Variants in LRRC10B observed in about 807,000 individuals in gnomAD.
The protein encoded by LRRC10B is leucine rich repeat containing 10B, also known as leucine-rich repeat-containing protein 10B.
For synonymous variants in LRRC10B, 204 were observed against 221.5 expected, an observed-to-expected ratio of 0.92 and a Z score of 0.70; for missense variants, 389 against 436.5, an observed-to-expected ratio of 0.89 and a Z score of 0.97.
Position 61,509,529 on chromosome 11 carries a change from G to C in LRRC10B, c.531G>C (p.Ala177=), listed in dbSNP as rs2062074484. The change falls in exon 1 of 1, where the codon GCG becomes GCC. Residue 177 remains alanine (A), a synonymous_variant. Coordinates refer to ENST00000378075, the MANE Select transcript of LRRC10B (RefSeq NM_001145077.2). ...YGNRFEEFPP[A]LLRMGRLHIL... is the part of the protein sequence containing the mutation. ...ACCGCTTCGAGGAGTTCCCGCCCGC[G>C]CTGCTGCGCATGGGCCGCCTGCACA... is the stretch of plus-strand genomic sequence containing the variant. 2.6e-6 allele frequency: 4 copies of C among 1,513,026 alleles called. No individual in the cohort carries two copies. The highest frequency in any genetic ancestry group is 2.9e-5 in the African/African-American group (2 of 69,516). 93.7% of individuals were successfully genotyped at this position (1,513,026 alleles called of 1,614,324 possible).
chr11:61,508,968 G>T lies in LRRC10B; in HGVS notation c.-31G>T. On this transcript the variant is annotated 5_prime_UTR_variant, in exon 1 of 1. Transcript: ENST00000378075. Reference sequence around the variant, plus strand: ...GGCGGGGCGATGCCTGGCGGTGGCAGTGGCGGCGGCCCCGGCCGGGGCCCG... The same window carrying T: ...GGCGGGGCGATGCCTGGCGGTGGCATTGGCGGCGGCCCCGGCCGGGGCCCG... The T allele has an allele frequency of 1.4e-5, 18 of 1,285,820 alleles. No homozygotes were observed. The highest frequency in any genetic ancestry group is 1.8e-5 in the Non-Finnish European group (18 of 1,018,464). 79.7% of individuals were successfully genotyped at this position (1,285,820 alleles called of 1,614,324 possible).
rs1197384780 is a variant in LRRC10B at position 61,509,592 on chromosome 11, C to G, written c.594C>G (p.Pro198=). ...DLDRNRLGGF[P]DLHPLRALRV... The stretch of plus-strand genomic sequence containing the variant: ...ACCGCAACCGCCTGGGCGGCTTCCC[C>G]GACCTGCACCCGCTGCGCGCGCTGC... The change falls in exon 1 of 1, where the codon CCC becomes CCG. Residue 198 remains proline (P), a synonymous_variant. Coordinates refer to ENST00000378075, the MANE Select transcript of LRRC10B (RefSeq NM_001145077.2). 2 of 1,520,968 alleles carry G rather than the reference C, an allele frequency of 1.3e-6. No individual in the cohort carries two copies. 94.2% of individuals were successfully genotyped at this position (1,520,968 alleles called of 1,614,324 possible). A position where few individuals can be genotyped will look rare whatever the true frequency, so the allele number is the denominator to read the frequency against.
chr11:61,510,175 G>T lies in LRRC10B; in HGVS notation c.*298G>T. On this transcript the variant is annotated 3_prime_UTR_variant, in exon 1 of 1. Coordinates refer to ENST00000378075, the MANE Select transcript of LRRC10B (RefSeq NM_001145077.2). ...GCACCAGCTTCCTCCTGGAACCAGG[G>T]TCTCTGAGGGCCACAGAATTGTCAC... 2.7e-6 allele frequency: 1 copy of T among 364,480 alleles called. No individual in the cohort carries two copies. Among genetic ancestry groups the T allele is most frequent in the Non-Finnish European group, 5.1e-6 (1 of 196,524 alleles). 22.6% of individuals were successfully genotyped at this position (364,480 alleles called of 1,614,324 possible). A position where few individuals can be genotyped will look rare whatever the true frequency, so the allele number is the denominator to read the frequency against.
At position 61,509,388 on chromosome 11, in the gene LRRC10B, G is replaced by A; in HGVS notation, c.390G>A (p.Arg130=). 1 of 1,493,586 alleles carries A rather than the reference G, an allele frequency of 6.7e-7. No homozygotes were observed. Among genetic ancestry groups the A allele is most frequent in the Non-Finnish European group, 8.9e-7 (1 of 1,129,922 alleles). The allele number at this position is 1,493,586 out of a possible 1,614,324, so 92.5% of individuals were successfully genotyped here. ...GCAACTTCTTGCGGCGCTTCCCGCG[G>A]CCGCTGCTGCGCCTGGTGGCGCTGC... ...IEGNFLRRFP[R]PLLRLVALQS... The change falls in exon 1 of 1, where the codon CGG becomes CGA. Residue 130 remains arginine (R), a synonymous_variant. Transcript: ENST00000378075.
chr11:61,509,402 TG>T lies in LRRC10B; in HGVS notation c.406del (p.Val136TrpfsTer23). The T allele has an allele frequency of 6.7e-7, 1 of 1,492,536 alleles. No homozygotes were observed. Among genetic ancestry groups the T allele is most frequent in the Non-Finnish European group, 8.8e-7 (1 of 1,130,270 alleles). The allele number at this position is 1,492,536 out of a possible 1,614,324, so 92.5% of individuals were successfully genotyped here. The stretch of plus-strand genomic sequence containing the variant: ...CGCTTCCCGCGGCCGCTGCTGCGCC[TG>T]GTGGCGCTGCAGTCGCTCCAGATGG... ...LRRFPRPLLRLVALQSLQMGD... is the reference protein window; with the variant it reads ...LRRFPRPLLRXVALQSLQMGD... On this transcript the variant is annotated frameshift_variant, in exon 1 of 1. Transcript: ENST00000378075. LOFTEE classifies it low-confidence loss of function (END_TRUNC).
chr11:61,510,293 T>G lies in LRRC10B; in HGVS notation c.*416T>G. 5.5e-6 allele frequency: 1 copy of G among 182,616 alleles called. No homozygotes were observed. The highest frequency in any genetic ancestry group is 1.3e-5 in the Non-Finnish European group (1 of 79,352). The allele number at this position is 182,616 out of a possible 1,614,324, so 11.3% of individuals were successfully genotyped here. A position where few individuals can be genotyped will look rare whatever the true frequency, so the allele number is the denominator to read the frequency against. On this transcript the variant is annotated 3_prime_UTR_variant, in exon 1 of 1. Coordinates refer to ENST00000378075, the MANE Select transcript of LRRC10B (RefSeq NM_001145077.2). Reference sequence around the variant, plus strand: ...CCACCCTTTCTAGGACAGGAGCCGCTACCTCTGGGATGGACTGCGTGCCTG... The same window carrying G: ...CCACCCTTTCTAGGACAGGAGCCGCGACCTCTGGGATGGACTGCGTGCCTG...
Position 61,509,625 on chromosome 11 carries a change from C to T in LRRC10B, c.627C>T (p.Phe209=). Residue 209 remains phenylalanine (F), a synonymous_variant, in exon 1 of 1, where the codon TTC becomes TTT. Transcript: ENST00000378075. ...ACCCGCTGCGCGCGCTGCGCGTCTT[C>T]TCCTACGACCACAACCCCGTCACCG... ...DLHPLRALRV[F]SYDHNPVTGP... 6.6e-7 allele frequency: 1 copy of T among 1,523,002 alleles called. No homozygotes were observed. The highest frequency in any genetic ancestry group is 1.4e-5 in the African/African-American group (1 of 70,034). 94.3% of individuals were successfully genotyped at this position (1,523,002 alleles called of 1,614,324 possible). A position where few individuals can be genotyped will look rare whatever the true frequency, so the allele number is the denominator to read the frequency against.
At position 61,509,578 on chromosome 11, in the gene LRRC10B, C is replaced by G; in HGVS notation, c.580C>G (p.Leu194Val). The G allele has an allele frequency of 6.6e-7, 1 of 1,520,866 alleles. No individual in the cohort carries two copies. Among genetic ancestry groups the G allele is most frequent in the Middle Eastern group, 1.7e-4 (1 of 5,942 alleles). The allele number at this position is 1,520,866 out of a possible 1,614,324, so 94.2% of individuals were successfully genotyped here. ...CATCCTCGACCTCGACCGCAACCGC[C>G]TGGGCGGCTTCCCCGACCTGCACCC... ...LHILDLDRNR[L>V]GGFPDLHPLR... Residue 194 changes from leucine to valine, a missense_variant, in exon 1 of 1, where the codon CTG becomes GTG. Transcript: ENST00000378075.
At position 61,509,077 on chromosome 11, in the gene LRRC10B, G is replaced by A; in HGVS notation, c.79G>A (p.Glu27Lys). 6.6e-7 allele frequency: 1 copy of A among 1,511,856 alleles called. No homozygotes were observed. The highest frequency in any genetic ancestry group is 8.8e-7 in the Non-Finnish European group (1 of 1,138,652). 93.7% of individuals were successfully genotyped at this position (1,511,856 alleles called of 1,614,324 possible). ...EQLRSGDQQLELSGRRLRRLP... is the reference protein window; with the variant it reads ...EQLRSGDQQLKLSGRRLRRLP... Reference sequence around the variant, plus strand: ...GCTGCGCAGCGGCGACCAGCAGCTGGAGCTGAGCGGGCGGCGGTTGCGGCG... The same window carrying A: ...GCTGCGCAGCGGCGACCAGCAGCTGAAGCTGAGCGGGCGGCGGTTGCGGCG... The change falls in exon 1 of 1, where the codon GAG (glutamate) becomes AAG (lysine). Residue 27 changes from glutamate (E) to lysine (K), a missense_variant. Transcript: ENST00000378075.
chr11:61,510,677 G>T lies in LRRC10B; in HGVS notation c.*800G>T, dbSNP rs562233280. On this transcript the variant is annotated 3_prime_UTR_variant, in exon 1 of 1. Transcript: ENST00000378075. ...CCGTGCCTCCAGGGCCTCCTGCACC[G>T]CAGAGAGGGGCTCTCTGCTCTGGGA... 1.2e-5 allele frequency: 2 copies of T among 167,046 alleles called. No individual in the cohort carries two copies. Among genetic ancestry groups the T allele is most frequent in the African/African-American group, 4.8e-5 (2 of 41,438 alleles). 10.3% of individuals were successfully genotyped at this position (167,046 alleles called of 1,614,324 possible). A position where few individuals can be genotyped will look rare whatever the true frequency, so the allele number is the denominator to read the frequency against.
In LRRC10B at chr11:61,509,571, C is replaced by T; in HGVS notation, c.573C>T (p.Arg191=). ...GCCTGCACATCCTCGACCTCGACCG[C>T]AACCGCCTGGGCGGCTTCCCCGACC... ...MGRLHILDLD[R]NRLGGFPDLH... The change falls in exon 1 of 1, where the codon CGC becomes CGT. Residue 191 remains arginine, a synonymous_variant. Transcript: ENST00000378075. The T allele has an allele frequency of 6.6e-7, 1 of 1,520,318 alleles. No individual in the cohort carries two copies. The highest frequency in any genetic ancestry group is 8.8e-7 in the Non-Finnish European group (1 of 1,140,686). 94.2% of individuals were successfully genotyped at this position (1,520,318 alleles called of 1,614,324 possible). A position where few individuals can be genotyped will look rare whatever the true frequency, so the allele number is the denominator to read the frequency against.
At position 61,509,629 on chromosome 11, in the gene LRRC10B, T is replaced by G. The variant is rs868231192; in HGVS notation, c.631T>G (p.Tyr211Asp). The change falls in exon 1 of 1, where the codon TAC (tyrosine) becomes GAC (aspartate). Residue 211 changes from tyrosine to aspartate, a missense_variant. By Grantham distance (160) the Tyr-to-Asp change is radical. Coordinates refer to ENST00000378075, the MANE Select transcript of LRRC10B (RefSeq NM_001145077.2). ...GCTGCGCGCGCTGCGCGTCTTCTCC[T>G]ACGACCACAACCCCGTCACCGGGCC... ...HPLRALRVFSYDHNPVTGPPR... is the reference protein window; with the variant it reads ...HPLRALRVFSDDHNPVTGPPR... 7.9e-6 allele frequency: 12 copies of G among 1,523,508 alleles called. No homozygotes were observed. The Middle Eastern group carries it at 2.0e-3, about 256-fold the overall frequency. 94.4% of individuals were successfully genotyped at this position (1,523,508 alleles called of 1,614,324 possible). A position where few individuals can be genotyped will look rare whatever the true frequency, so the allele number is the denominator to read the frequency against.
At position 61,509,776 on chromosome 11, in the gene LRRC10B, G is replaced by A; in HGVS notation, c.778G>A (p.Glu260Lys). 6.5e-7 allele frequency: 1 copy of A among 1,528,782 alleles called. No individual in the cohort carries two copies. The highest frequency in any genetic ancestry group is 8.7e-7 in the Non-Finnish European group (1 of 1,143,234). 94.7% of individuals were successfully genotyped at this position (1,528,782 alleles called of 1,614,324 possible). ...RRPARAFEDE[E>K]EEDLLIGGAG... ...CCCAGCGCGGGCCTTTGAGGATGAGGAGGAGGAAGACCTGCTCATAGGCGG... is the reference window on the plus strand; with the variant it reads ...CCCAGCGCGGGCCTTTGAGGATGAGAAGGAGGAAGACCTGCTCATAGGCGG... Residue 260 changes from glutamate to lysine, a missense_variant, in exon 1 of 1, where the codon GAG becomes AAG. By Grantham distance (56) the Glu-to-Lys change is moderately conservative. Coordinates refer to ENST00000378075, the MANE Select transcript of LRRC10B (RefSeq NM_001145077.2).
At position 61,509,118 on chromosome 11, in the gene LRRC10B, G is replaced by C. The variant is rs1185019765; in HGVS notation, c.120G>C (p.Val40=). Residue 40 remains valine, a synonymous_variant, in exon 1 of 1, where the codon GTG becomes GTC. Transcript: ENST00000378075. Reference sequence around the variant, plus strand: ...GGTTGCGGCGGCTGCCCAGCGCAGTGTGCGCGCTGAGCCGCCTGCAGAAGC... The same window carrying C: ...GGTTGCGGCGGCTGCCCAGCGCAGTCTGCGCGCTGAGCCGCCTGCAGAAGC... The part of the protein sequence containing the change: ...GRRLRRLPSA[V]CALSRLQKLY... 2 of 1,522,512 alleles carry C rather than the reference G, an allele frequency of 1.3e-6. No individual in the cohort carries two copies. Among genetic ancestry groups the C allele is most frequent in the East Asian group, 2.5e-5 (1 of 39,340 alleles). The allele number at this position is 1,522,512 out of a possible 1,614,324, so 94.3% of individuals were successfully genotyped here.
chr11:61,509,744 C>A lies in LRRC10B; in HGVS notation c.746C>A (p.Pro249His). Residue 249 changes from proline (P) to histidine (H), a missense_variant, in exon 1 of 1, where the codon CCC (proline) becomes CAC (histidine). By Grantham distance (77) the Pro-to-His change is moderately conservative. Transcript: ENST00000378075. Reference sequence around the variant, plus strand: ...GACGAGCCCACGCCCCGGCCTCCGCCCCGGCGCCCAGCGCGGGCCTTTGAG... The same window carrying A: ...GACGAGCCCACGCCCCGGCCTCCGCACCGGCGCCCAGCGCGGGCCTTTGAG... ...ERDEPTPRPP[P>H]RRPARAFEDE... is the part of the protein sequence containing the mutation. 7.2e-6 allele frequency: 11 copies of A among 1,522,254 alleles called. No individual in the cohort carries two copies. The highest frequency in any genetic ancestry group is 9.6e-6 in the Non-Finnish European group (11 of 1,141,442). 94.3% of individuals were successfully genotyped at this position (1,522,254 alleles called of 1,614,324 possible).
chr11:61,509,163 G>A lies in LRRC10B; in HGVS notation c.165G>A (p.Gly55=), dbSNP rs1225229766. Residue 55 remains glycine, a synonymous_variant, in exon 1 of 1, where the codon GGG becomes GGA. Coordinates refer to ENST00000378075, the MANE Select transcript of LRRC10B (RefSeq NM_001145077.2). ...AGAAGCTGTATGTGAGCGGCACGGG[G>A]CTGCGCGAGCTGCCGGAGGAGATCG... ...RLQKLYVSGT[G]LRELPEEIEE... 11 of 1,530,418 alleles carry A rather than the reference G, an allele frequency of 7.2e-6. No homozygotes were observed. Among genetic ancestry groups the A allele is most frequent in the Non-Finnish European group, 9.6e-6 (11 of 1,144,536 alleles). 94.8% of individuals were successfully genotyped at this position (1,530,418 alleles called of 1,614,324 possible). A position where few individuals can be genotyped will look rare whatever the true frequency, so the allele number is the denominator to read the frequency against.
rs1228960711 is a variant in LRRC10B at position 61,509,920 on chromosome 11, G to A, written c.*43G>A. 6.9e-7 allele frequency: 1 copy of A among 1,445,842 alleles called. No individual in the cohort carries two copies. Among genetic ancestry groups the A allele is most frequent in the South Asian group, 1.4e-5 (1 of 69,108 alleles). The allele number at this position is 1,445,842 out of a possible 1,614,324, so 89.6% of individuals were successfully genotyped here. ...TGGGCTTCAGCCACTCTGAGAGGAG[G>A]GGCTCTAGGAAGCTTTGGCTGGTTA... On this transcript the variant is annotated 3_prime_UTR_variant, in exon 1 of 1. Coordinates refer to ENST00000378075, the MANE Select transcript of LRRC10B (RefSeq NM_001145077.2).
At position 61,509,480 on chromosome 11, in the gene LRRC10B, T is replaced by A. The variant is rs1208207977; in HGVS notation, c.482T>A (p.Leu161Ter). The change falls in exon 1 of 1, where the codon TTG becomes TAG. Residue 161 changes from leucine (L) to a stop codon, truncating the protein, a stop_gained. Transcript: ENST00000378075. LOFTEE classifies it low-confidence loss of function (END_TRUNC). ...GCCGAGCTGCCGCGCATGACGGGCT[T>A]GCGCGGCCTCTGGCTCTACGGCAAC... is the stretch of plus-strand genomic sequence containing the variant. ...LPAELPRMTG[L>*]RGLWLYGNRF... The A allele has an allele frequency of 2.7e-6, 4 of 1,503,148 alleles. No individual in the cohort carries two copies. In the South Asian group the frequency reaches 5.0e-5, roughly 19 times the overall value. 93.1% of individuals were successfully genotyped at this position (1,503,148 alleles called of 1,614,324 possible). A position where few individuals can be genotyped will look rare whatever the true frequency, so the allele number is the denominator to read the frequency against.
In LRRC10B at chr11:61,508,840, C is replaced by G. The variant is rs113188069; in HGVS notation, c.-159C>G. ...CGGTGCCCCAAGTGGGTGCCTCCTC[C>G]CGGCCCCGCACGGCCCCCCTCCCGG... On this transcript the variant is annotated 5_prime_UTR_variant, in exon 1 of 1. Transcript: ENST00000378075. 1 of 418,936 alleles carries G rather than the reference C, an allele frequency of 2.4e-6. No individual in the cohort carries two copies. Among genetic ancestry groups the G allele is most frequent in the African/African-American group, 2.2e-5 (1 of 46,062 alleles). The allele number at this position is 418,936 out of a possible 1,614,324, so 26.0% of individuals were successfully genotyped here. A position where few individuals can be genotyped will look rare whatever the true frequency, so the allele number is the denominator to read the frequency against.
Sources: gnomAD v4.1 joint callset for allele counts on GRCh38, gnomAD v4.1.1 for gene constraint, MANE v1.5 for transcripts, NCBI Gene and HGNC (gene_info 2026-07-23, HGNC 2026-07-21) for gene names.